Variants in COL6A3 observed in about 807,000 individuals in gnomAD.
COL6A3 encodes the protein collagen alpha-3(VI) chain.
Under a neutral mutation model 274.1 loss-of-function variants are expected in COL6A3, and 137 were observed. That is an observed-to-expected ratio of 0.50 (90% CI 0.44 to 0.58). COL6A3 has a LOEUF of 0.58. Among genes scored for constraint, COL6A3 ranks in the 20% least tolerant of loss-of-function variants. The probability of loss-of-function intolerance (pLI) is 0.00; values close to 1 mark genes in which losing one functional copy is unlikely to be tolerated. For synonymous variants in COL6A3, 1,650 were observed against 1,650.6 expected, an observed-to-expected ratio of 1.00 and a Z score of 0.01; for missense variants, 3,950 against 4,124.9, an observed-to-expected ratio of 0.96 and a Z score of 1.16.
At chr2:237,354,864 A>T (rs1422173770) in intron 24 of COL6A3, 35 bp downstream of exon 24, 9 of 1,605,418 alleles carry the variant, frequency 5.6e-6, no homozygotes, top group Non-Finnish European at 7.7e-6. Flanking sequence ...GGGCTGTTTG[A>T]AGAGAGTCTC....
At position 237,368,556 on chromosome 2, in the gene COL6A3, T is replaced by C. The variant is rs1196921805; in HGVS notation, c.4900+7A>G. Reference sequence around the variant, plus strand: ...CACTCTGTAGTCATGGGTCACACGGTGCATACCTGGCCGTGAAGGAGGAGG... The same window carrying C: ...CACTCTGTAGTCATGGGTCACACGGCGCATACCTGGCCGTGAAGGAGGAGG... On this transcript the variant is annotated splice_region_variant and intron_variant, in intron 10 of 43. Transcript: ENST00000295550. This position sits in a 1 kb window ranked among gnomAD's most constrained non-coding sequence, Gnocchi z 4.4. 2.5e-6 allele frequency: 4 copies of C among 1,614,046 alleles called. No homozygotes were observed. Among genetic ancestry groups the C allele is most frequent in the Admixed American group, 1.7e-5 (1 of 60,016 alleles).
At chr2:237,336,074 A>G in intron 40 of COL6A3, 61 bp downstream of exon 40, 1 of 1,600,866 alleles carries the variant, frequency 6.2e-7, no homozygotes, top group Non-Finnish European at 8.5e-7. Context: ...TTTGAGGAAC[A>G]CACCCTGGAG....
chr2:237,345,263 G>T, intron 32 of COL6A3, 50 bp from the exon 33 acceptor site: 1 of 1,586,678 alleles, frequency 6.3e-7, no homozygotes, highest in East Asian at 2.2e-5. Flanking sequence ...TGGGGAATTC[G>T]AATAAACAGG....
rs1199619831 is a variant in COL6A3, at chr2:237,332,096, TATATATATATA to T, written c.9328+1343_9328+1353del. ...ATATATATATATATATATATATATA[TATATATATATA>T]TATATATATATGAAAAGAAAAACAA... On this transcript the variant is annotated intron_variant, in intron 42 of 43. Transcript: ENST00000295550. 1.2e-3 allele frequency among the ~76,000 whole-genome samples: 44 copies of T among 38,088 alleles called. 5 individuals are homozygous for T. Among genetic ancestry groups the T allele is most frequent in the African/African-American group, 1.7e-3 (11 of 6,502 alleles). The allele number at this position is 38,088 out of a possible 152,430, so 25.0% of individuals were successfully genotyped here.
intron 40 of COL6A3, among the ~76,000 whole-genome samples, chr2:237,335,157 ATAC>A (rs766040092): frequency 7.2e-5 from 11 of 152,208 alleles, no homozygotes; most frequent in Non-Finnish European, 1.5e-4. Flanking sequence ...TGTTAAGAAG[ATAC>A]TTTGGAAATG....
rs527516269 is a variant in COL6A3, at chr2:237,344,616, C to T, written c.7402G>A (p.Val2468Ile). 2.9e-5 allele frequency: 47 copies of T among 1,614,234 alleles called. No individual in the cohort carries two copies. The East Asian group carries it at 1.0e-3, about 36-fold the overall frequency. ...IRFADSKRKS[V>I]LLDKIKNLQV... is the part of the protein sequence containing the mutation. ...AGGTTCTTAATCTTGTCCAGGAGGA[C>T]CGACTTCCTCTTGGAGTCAGCAAAC... Residue 2468 changes from valine to isoleucine, a missense_variant, in exon 36 of 44, where the codon GTC becomes ATC. Val to Ile is a conservative substitution (Grantham distance 29). Transcript: ENST00000295550. The surrounding 1 kb of genome is among the most constrained non-coding windows in gnomAD (Gnocchi z 4.8).
At chr2:237,390,808 T>A (rs2078268873) in intron 3 of COL6A3, among the ~76,000 whole-genome samples, 1 of 152,216 alleles carries the variant, frequency 6.6e-6, no homozygotes, top group South Asian at 2.1e-4. Context: ...ATCTTCATCC[T>A]TTACAGAGAA....
intron 3 of COL6A3, among the ~76,000 whole-genome samples, chr2:237,393,840 C>T (rs1303443377): frequency 1.3e-5 from 2 of 152,210 alleles, no homozygotes; most frequent in Admixed American, 6.5e-5. Context: ...TCTGTACATG[C>T]AACTGCACAT....
intron 1 of COL6A3, among the ~76,000 whole-genome samples, chr2:237,403,132 T>C (rs2078633852): frequency 6.6e-6 from 1 of 151,974 alleles, no homozygotes; most frequent in South Asian, 2.1e-4. Flanking sequence ...GCTAAGTGGG[T>C]GCAAAGGAAA....
intron 9 of COL6A3, among the ~76,000 whole-genome samples, chr2:237,370,953 G>A (rs1263984221): frequency 2.0e-5 from 3 of 152,248 alleles, no homozygotes; most frequent in African/African-American, 7.2e-5. Flanking sequence ...AAAACATGGT[G>A]CAAACCACAA....
rs1330241069 is a variant in COL6A3, at chr2:237,374,399, G to A, written c.3679+13C>T. 1 of 1,610,580 alleles carries A rather than the reference G, an allele frequency of 6.2e-7. No homozygotes were observed. Among genetic ancestry groups the A allele is most frequent in the African/African-American group, 1.3e-5 (1 of 75,056 alleles). On this transcript the variant is annotated intron_variant, in intron 8 of 43. Transcript: ENST00000295550. The surrounding 1 kb of genome is among the most constrained non-coding windows in gnomAD (Gnocchi z 4.8). ...ATGACACTGAGTGAGGATGCAAAGAGTTCCCTGCGTACCTGGGCTCGGTAG... is the reference window on the plus strand; with the variant it reads ...ATGACACTGAGTGAGGATGCAAAGAATTCCCTGCGTACCTGGGCTCGGTAG...
In COL6A3 at chr2:237,339,117, C is replaced by A; in HGVS notation, c.8465G>T (p.Ser2822Ile). 1 of 1,609,706 alleles carries A rather than the reference C, an allele frequency of 6.2e-7. No individual in the cohort carries two copies. Among genetic ancestry groups the A allele is most frequent in the East Asian group, 2.2e-5 (1 of 44,846 alleles). ...TGGGGACAAGTAAAAAGCATTTTCA[C>A]CTAAAGAAAAAAAACAAAGAAAACA... ...FGRLLPSFVS[S>I]ENAFYLSPDI... The change falls in exon 39 of 44, where the codon AGT becomes ATT. Residue 2822 changes from serine (S) to isoleucine (I), a missense_variant and splice_region_variant. Around this residue, in one of 5 missense-constraint regions of COL6A3, gnomAD observed 1,284 missense variants for 1,349.7 expected, o/e 0.95. Coordinates refer to ENST00000295550, the MANE Select transcript of COL6A3 (RefSeq NM_004369.4).
At chr2:237,356,837 C>G (rs72986132) in intron 23 of COL6A3, 4,746 of 190,646 alleles carry the variant, frequency 0.025, 87 homozygotes, top group South Asian at 0.036. Context: ...ATACAAGGAG[C>G]TATTCTGCTA....
In COL6A3 at chr2:237,336,365, G is replaced by A. The variant is rs112928650; in HGVS notation, c.8735C>T (p.Pro2912Leu). The change falls in exon 40 of 44, where the codon CCG (proline) becomes CTG (leucine). Residue 2912 changes from proline to leucine, a missense_variant. Pro to Leu is a moderately conservative substitution (Grantham distance 98). Transcript: ENST00000295550. ...GGCAGCCACAGGTTTCGCAGGGGCC[G>A]GCTTTGCAGCGGCTGGCTTCACAGA... Reference protein sequence around the residue: ...QPSVKPAAAKPAPAKPVAAKP... With the variant: ...QPSVKPAAAKLAPAKPVAAKP... 2.8e-3 allele frequency: 4,471 copies of A among 1,614,148 alleles called. 78 individuals are homozygous for A. In the East Asian group the frequency reaches 0.032, roughly 11 times the overall value.
chr2:237,410,556 C>G (rs1375167429), intron 1 of COL6A3, among the ~76,000 whole-genome samples: 4 of 152,158 alleles, frequency 2.6e-5, no homozygotes, highest in Non-Finnish European at 5.9e-5. Flanking sequence ...CCGCCCACCT[C>G]AGCCTCCCAA....
intron 36 of COL6A3, 110 bp from the exon 37 acceptor site, chr2:237,342,271 C>A: frequency 1.2e-6 from 1 of 831,424 alleles, no homozygotes; most frequent in Middle Eastern, 2.4e-4. Flanking sequence ...ATTAACTTCC[C>A]AATAGGGCAG....
chr2:237,363,405 A>C lies in COL6A3; in HGVS notation c.5918-7T>G, dbSNP rs1004578583. 6.2e-7 allele frequency: 1 copy of C among 1,614,196 alleles called. No individual in the cohort carries two copies. Among genetic ancestry groups the C allele is most frequent in the Non-Finnish European group, 8.5e-7 (1 of 1,180,040 alleles). ...AGGATCAAGGCACGGACTCCTGCAA[A>C]GAAAGACACATTTAATACAGCTCAC... On this transcript the variant is annotated splice_region_variant and splice_polypyrimidine_tract_variant and intron_variant, in intron 13 of 43. Coordinates refer to ENST00000295550, the MANE Select transcript of COL6A3 (RefSeq NM_004369.4).
chr2:237,355,051 A>G, intron 23 of COL6A3, 117 bp from the exon 24 acceptor site: 1 of 950,004 alleles, frequency 1.1e-6, no homozygotes, highest in Admixed American at 2.1e-5. Flanking sequence ...GAATCTTCCC[A>G]AGCACCCACA....
rs73998896 is a variant in COL6A3, at chr2:237,375,036, C to T, written c.3071-16G>A. ...TCACCTGAAACTGGGAGGAGGACAG[C>T]CTGGTAACTCACACAGGACATCAGA... is the stretch of plus-strand genomic sequence containing the variant. On this transcript the variant is annotated splice_polypyrimidine_tract_variant and intron_variant, in intron 7 of 43. Transcript: ENST00000295550. 5,894 of 1,612,704 alleles carry T rather than the reference C, an allele frequency of 3.7e-3. 145 individuals carry two copies. In the African/African-American group the frequency reaches 0.057, roughly 16 times the overall value.
Sources: gnomAD v4.1 joint callset for allele counts (sites outside exome capture counted in the v4.1 genomes callset) on GRCh38, gnomAD v4.1.1 for gene constraint, gnomAD v4.1.1 regional missense constraint, Gnocchi (gnomAD v3.1) non-coding constraint, MANE v1.5 for transcripts, NCBI Gene and HGNC (gene_info 2026-07-23, HGNC 2026-07-21) for gene names.